The following MDH2 variants were observed in gnomAD, a reference collection of about 807,000 sequenced individuals.
The protein encoded by MDH2 is malate dehydrogenase 2.
MDH2 carries 25 observed loss-of-function variants against 33.6 expected under a neutral mutation model. That is an observed-to-expected ratio of 0.74 (90% CI 0.54 to 1.04). MDH2 has a LOEUF of 1.04. Ranked by LOEUF, MDH2 falls within the 50% of genes least tolerant of loss-of-function variation. The pLI, the probability that MDH2 is intolerant of heterozygous loss-of-function variation, is 0.00. For missense variants in MDH2, 432 were observed against 445.0 expected (o/e 0.97, Z 0.26); for synonymous variants, 193 against 188.7 (o/e 1.02, Z -0.19).
chr7:76,059,503 G>A (rs1554586707), intron 4 of MDH2, among the ~76,000 whole-genome samples: 1 of 152,226 alleles, frequency 6.6e-6, no homozygotes, highest in African/African-American at 2.4e-5. Flanking sequence ...GAAACGTTGA[G>A]TGCTGCGTCC....
At chr7:76,060,730 C>T (rs1331405433) in intron 5 of MDH2, among the ~76,000 whole-genome samples, 3 of 151,990 alleles carry the variant, frequency 2.0e-5, no homozygotes, top group Admixed American at 1.3e-4. Context: ...TCCCGGCTCT[C>T]GCTGTCTTCC....
chr7:76,062,430 CCT>C (rs1287801803), intron 5 of MDH2, among the ~76,000 whole-genome samples: 1 of 152,230 alleles, frequency 6.6e-6, no homozygotes, highest in Non-Finnish European at 1.5e-5. Flanking sequence ...CCAAGCTAAG[CCT>C]CTCGGATCTT....
rs114243662 is a variant in MDH2, at chr7:76,066,786, C to T, written c.*376C>T. On this transcript the variant is annotated 3_prime_UTR_variant, in exon 9 of 9. Coordinates refer to ENST00000315758, the MANE Select transcript of MDH2 (RefSeq NM_005918.4). ...AATTGGACACAGTATTCAGTTTACC[C>T]GTACATGCTCCTCCCGCCCCTCCTG... The T allele has an allele frequency of 9.7e-3, 1,524 of 157,110 alleles. 22 individuals carry two copies. The highest frequency in any genetic ancestry group is 0.035 in the African/African-American group (1,454 of 41,654). 9.7% of individuals were successfully genotyped at this position (157,110 alleles called of 1,614,324 possible). A position where few individuals can be genotyped will look rare whatever the true frequency, so the allele number is the denominator to read the frequency against.
At chr7:76,065,259 C>A (rs548153348) in intron 8 of MDH2, 150 of 274,046 alleles carry the variant, frequency 5.5e-4, no homozygotes, top group African/African-American at 3.0e-3. Context: ...CCTCCCTACC[C>A]CGCCTGAACA....
rs781964761 is a variant in MDH2, at chr7:76,064,327, C to T, written c.634-12C>T. On this transcript the variant is annotated splice_polypyrimidine_tract_variant and intron_variant, in intron 6 of 8. Coordinates refer to ENST00000315758, the MANE Select transcript of MDH2 (RefSeq NM_005918.4). ...CGGAAGCCACTCACTGATCCCATGGCTTGGCTTGCAGTGCACCCCCAAGGT... is the reference window on the plus strand; with the variant it reads ...CGGAAGCCACTCACTGATCCCATGGTTTGGCTTGCAGTGCACCCCCAAGGT... The T allele has an allele frequency of 4.4e-6, 7 of 1,604,756 alleles. No homozygotes were observed. Among genetic ancestry groups the T allele is most frequent in the East Asian group, 2.2e-5 (1 of 44,514 alleles).
chr7:76,048,262 C>A, intron 1 of MDH2, 36 bp downstream of exon 1: 2 of 1,525,500 alleles, frequency 1.3e-6, no homozygotes, highest in Non-Finnish European at 1.8e-6. Flanking sequence ...AGGCGGAGGC[C>A]CCCCGGCCCG....
At chr7:76,051,127 C>T (rs1554585366) in intron 1 of MDH2, among the ~76,000 whole-genome samples, 1 of 152,050 alleles carries the variant, frequency 6.6e-6, no homozygotes, top group African/African-American at 2.4e-5. Flanking sequence ...TCAGGTGATC[C>T]ACCTGTCTTG....
chr7:76,062,418 C>T (rs1797981462), intron 5 of MDH2, among the ~76,000 whole-genome samples: 6 of 152,244 alleles, frequency 3.9e-5, no homozygotes, highest in Admixed American at 3.9e-4. Context: ...GCTTATACAC[C>T]ACCAAGCTAA....
chr7:76,048,107 CT>C lies in MDH2; in HGVS notation c.-52del. The stretch of plus-strand genomic sequence containing the variant: ...GGCAGTGTGGAGGTCGTTGGAGTCA[CT>C]TCCCCGTCACCAGCTCCTGTGCCTG... On this transcript the variant is annotated 5_prime_UTR_variant, in exon 1 of 9. Coordinates refer to ENST00000315758, the MANE Select transcript of MDH2 (RefSeq NM_005918.4). 1 of 1,536,520 alleles carries C rather than the reference CT, an allele frequency of 6.5e-7. No individual in the cohort carries two copies.
chr7:76,057,023 A>G (rs1231573019), intron 2 of MDH2, among the ~76,000 whole-genome samples: 5 of 152,128 alleles, frequency 3.3e-5, no homozygotes, highest in Admixed American at 3.3e-4. Context: ...AAAAAAAAAA[A>G]AAAGGAGTTT....
chr7:76,048,995 G>GGGA, intron 1 of MDH2: 1 of 335,202 alleles, frequency 3.0e-6, no homozygotes, highest in Non-Finnish European at 3.6e-6. Context: ...GGGGGGGGGG[G>GGGA]GGGTCCGCAT....
At chr7:76,057,909 G>T in intron 3 of MDH2, 60 bp from the exon 4 acceptor site, 1 of 1,525,122 alleles carries the variant, frequency 6.6e-7, no homozygotes, top group Non-Finnish European at 9.1e-7. Context: ...CTCAGCACAT[G>T]CTGCCTGTCT....
At chr7:76,054,491 G>A (rs1554585910) in intron 1 of MDH2, 3 of 304,378 alleles carry the variant, frequency 9.9e-6, no homozygotes, top group African/African-American at 2.3e-5. Context: ...TAGGCACTCA[G>A]TGTGTGTTTA....
intron 5 of MDH2, 55 bp downstream of exon 5, chr7:76,060,553 C>G (rs1554586875): frequency 1.2e-6 from 2 of 1,600,922 alleles, no homozygotes; most frequent in Non-Finnish European, 1.7e-6. Context: ...TCCCGCCACC[C>G]GTGCTCATTT....
At chr7:76,062,275 TC>T (rs1797976770) in intron 5 of MDH2, among the ~76,000 whole-genome samples, 1 of 152,202 alleles carries the variant, frequency 6.6e-6, no homozygotes, top group Admixed American at 6.5e-5. Flanking sequence ...AGTCGCCTTG[TC>T]CCCCGTCTTA....
chr7:76,059,847 C>T (rs1326061682), intron 4 of MDH2, among the ~76,000 whole-genome samples: 2 of 152,152 alleles, frequency 1.3e-5, no homozygotes, highest in Non-Finnish European at 2.9e-5. Context: ...TCTGGCGTCC[C>T]GGGTGACGTG....
chr7:76,053,742 G>GCTGC lies in MDH2; in HGVS notation c.67-1070_67-1067dup, dbSNP rs371274773. Among the ~76,000 whole-genome samples the GCTGC allele has an allele frequency of 2.6e-3, 396 of 152,186 alleles. 5 individuals are homozygous for GCTGC. Among genetic ancestry groups the GCTGC allele is most frequent in the African/African-American group, 8.0e-3 (331 of 41,494 alleles). ...TTGTTTGCCTCTTCCCTCACTGGTA[G>GCTGC]CTGCCTGCCTGCCTGCCTGCCAGGG... is the stretch of plus-strand genomic sequence containing the variant. On this transcript the variant is annotated intron_variant, in intron 1 of 8. Coordinates refer to ENST00000315758, the MANE Select transcript of MDH2 (RefSeq NM_005918.4).
chr7:76,064,760 G>C (rs782375944), intron 7 of MDH2, 42 bp from the exon 8 acceptor site: 1 of 1,585,684 alleles, frequency 6.3e-7, no homozygotes, highest in Non-Finnish European at 8.6e-7. Flanking sequence ...TGGGCGTCAC[G>C]TTTGTGGCAC....
chr7:76,064,268 G>T (rs565310957), intron 6 of MDH2, 71 bp from the exon 7 acceptor site: 2 of 1,122,780 alleles, frequency 1.8e-6, no homozygotes, highest in Non-Finnish European at 2.6e-6. Context: ...CGGGAATAGT[G>T]GGGGTGGGAG....
Sources: gnomAD v4.1 joint callset for allele counts (sites outside exome capture counted in the v4.1 genomes callset) on GRCh38, gnomAD v4.1.1 for gene constraint, MANE v1.5 for transcripts, NCBI Gene and HGNC (gene_info 2026-07-23, HGNC 2026-07-21) for gene names.